The following PNKD variants were observed in gnomAD, a reference collection of about 807,000 sequenced individuals.
PNKD encodes the protein probable thioesterase PNKD.
A neutral mutation model predicts 45.3 loss-of-function variants in PNKD; 36 were observed. That is an observed-to-expected ratio of 0.80 (90% confidence interval 0.61 to 1.05). PNKD has a LOEUF of 1.05. Among genes scored for constraint, PNKD ranks in the 50% least tolerant of loss-of-function variants. PNKD has a pLI of 0.00. For missense variants in PNKD, 511 were observed against 506.6 expected (o/e 1.01, Z -0.08); for synonymous variants, 197 against 210.1 (o/e 0.94, Z 0.54).
intron 2 of PNKD, chr2:218,334,862 A>G: frequency 1.5e-6 from 1 of 664,098 alleles, no homozygotes; most frequent in Non-Finnish European, 2.7e-6. Flanking sequence ...AGATTATGCA[A>G]ATATCCTCTT....
In PNKD at chr2:218,272,684, C is replaced by A. The variant is rs758621637; in HGVS notation, c.236+1135C>A. On this transcript the variant is annotated intron_variant, in intron 2 of 9. Coordinates refer to ENST00000273077, the MANE Select transcript of PNKD (RefSeq NM_015488.5). ...AGAACATGCGGTTGTCCAACACGGG[C>A]GAGTATGAGAGCCAGAGGTTCAGGG... 2.6e-5 allele frequency: 42 copies of A among 1,614,062 alleles called. 1 individual carries two copies. In the South Asian group the frequency reaches 4.4e-4, roughly 17 times the overall value.
At chr2:218,328,542 CT>C (rs1694221780) in intron 2 of PNKD, among the ~76,000 whole-genome samples, 1 of 152,202 alleles carries the variant, frequency 6.6e-6, no homozygotes, top group South Asian at 2.1e-4. Flanking sequence ...AGAACAGTGC[CT>C]GGCACCTAGG....
At chr2:218,323,142 G>A (rs1378942909) in intron 2 of PNKD, 6 of 1,324,518 alleles carry the variant, frequency 4.5e-6, no homozygotes, top group Non-Finnish European at 5.8e-6. Flanking sequence ...AGAGGTCAAT[G>A]GGCGGGGCGG....
At chr2:218,313,359 C>A (rs1693672962) in intron 2 of PNKD, among the ~76,000 whole-genome samples, 1 of 152,202 alleles carries the variant, frequency 6.6e-6, no homozygotes, top group Non-Finnish European at 1.5e-5. Flanking sequence ...GATCCACCTG[C>A]CTCAGCCTCC....
intron 2 of PNKD, among the ~76,000 whole-genome samples, chr2:218,307,178 C>T (rs1420870898): frequency 1.3e-5 from 2 of 152,024 alleles, no homozygotes; most frequent in East Asian, 3.9e-4. Flanking sequence ...CAGCAGTCCC[C>T]AGCATTTTTG....
At position 218,344,984 on chromosome 2, in the gene PNKD, C is replaced by T. The variant is rs1433687340; in HGVS notation, c.*3C>T. 6.2e-6 allele frequency: 10 copies of T among 1,606,872 alleles called. No individual in the cohort carries two copies. In the East Asian group the frequency reaches 1.1e-4, roughly 18 times the overall value. ...AGGATATGCACAAGAGCAAGTGATG[C>T]CCCCAGCGCCCCCAGCCCAGCCCAC... is the stretch of plus-strand genomic sequence containing the variant. On this transcript the variant is annotated 3_prime_UTR_variant, in exon 10 of 10. Coordinates refer to ENST00000273077, the MANE Select transcript of PNKD (RefSeq NM_015488.5).
chr2:218,323,109 T>A, intron 2 of PNKD: 1 of 1,179,730 alleles, frequency 8.5e-7, no homozygotes. Flanking sequence ...CGGCTGGAGG[T>A]GGTGAGGGGG....
intron 2 of PNKD, chr2:218,323,479 TGGGAGAGGGGACTGGGAG>T: frequency 1.0e-6 from 1 of 996,030 alleles, no homozygotes; most frequent in Non-Finnish European, 1.2e-6. Context: ...GCGGGCGCGC[TGGGAGAGGGGACTGGGAG>T]GCGGGGGCTG....
chr2:218,273,263 GTTTTGTTTTTTGTT>G (rs149810512), intron 2 of PNKD, among the ~76,000 whole-genome samples: 2 of 151,696 alleles, frequency 1.3e-5, no homozygotes, highest in African/African-American at 4.9e-5. Flanking sequence ...TTCCTCATTT[GTTTTGTTTTTTGTT>G]TTTTGTTTTT....
Position 218,278,358 on chromosome 2 carries a change from T to G in PNKD, c.236+6809T>G. 4.0e-6 allele frequency: 3 copies of G among 746,900 alleles called. No homozygotes were observed. In the South Asian group the frequency reaches 5.2e-5, roughly 13 times the overall value. 46.3% of individuals were successfully genotyped at this position (746,900 alleles called of 1,614,324 possible). A position where few individuals can be genotyped will look rare whatever the true frequency, so the allele number is the denominator to read the frequency against. On this transcript the variant is annotated intron_variant, in intron 2 of 9. Coordinates refer to ENST00000273077, the MANE Select transcript of PNKD (RefSeq NM_015488.5). ...TTAGCTCCTAAACACACATGGTCCTTTGTATACACCTGAACAGTAGCTGTC... is the reference window on the plus strand; with the variant it reads ...TTAGCTCCTAAACACACATGGTCCTGTGTATACACCTGAACAGTAGCTGTC...
chr2:218,283,218 C>A (rs1380840328), intron 2 of PNKD, among the ~76,000 whole-genome samples: 1 of 152,208 alleles, frequency 6.6e-6, no homozygotes, highest in Non-Finnish European at 1.5e-5. Context: ...GAAGGGACCT[C>A]AGGGCCATAA....
chr2:218,272,985 G>T (rs1690910838), intron 2 of PNKD: 1 of 1,359,632 alleles, frequency 7.4e-7, no homozygotes, highest in Non-Finnish European at 9.7e-7. Context: ...GATGGGAGGG[G>T]CAGAGGGTGG....
chr2:218,296,408 G>A (rs191744901), intron 2 of PNKD, among the ~76,000 whole-genome samples: 27 of 152,268 alleles, frequency 1.8e-4, no homozygotes, highest in East Asian at 5.8e-4. Flanking sequence ...CTAAAGCTTA[G>A]TGATTGGTGG....
intron 2 of PNKD, 31 bp from the exon 3 acceptor site, chr2:218,339,752 G>C (rs112516929): frequency 1.4e-6 from 2 of 1,386,724 alleles, no homozygotes; most frequent in Non-Finnish European, 2.1e-6. Context: ...GGGAGAAAAG[G>C]CTAATCATAG....
At chr2:218,299,441 C>A (rs926915170) in intron 2 of PNKD, among the ~76,000 whole-genome samples, 3 of 150,606 alleles carry the variant, frequency 2.0e-5, no homozygotes, top group Non-Finnish European at 3.0e-5. Context: ...CGCACCCGAC[C>A]TATTTGTTTA....
chr2:218,278,571 G>A, intron 2 of PNKD: 2 of 1,614,172 alleles, frequency 1.2e-6, no homozygotes, highest in Non-Finnish European at 1.7e-6. Context: ...CAGCACTAGG[G>A]ACAAAGAGAT....
At chr2:218,336,398 G>T (rs1694494216) in intron 2 of PNKD, among the ~76,000 whole-genome samples, 1 of 152,084 alleles carries the variant, frequency 6.6e-6, no homozygotes, top group African/African-American at 2.4e-5. Context: ...TGCAATGCCT[G>T]TTTTAAATAC....
intron 1 of PNKD, chr2:218,271,039 C>T: frequency 4.2e-6 from 2 of 476,196 alleles, no homozygotes; most frequent in Non-Finnish European, 7.6e-6. Context: ...CCAGTGCTAA[C>T]ATTTGCAGTT....
chr2:218,334,801 G>A, intron 2 of PNKD: 2 of 699,646 alleles, frequency 2.9e-6, no homozygotes, highest in Non-Finnish European at 5.2e-6. Context: ...GAGTTAGCCA[G>A]GTTTCTATGG....
Sources: allele counts gnomAD v4.1 joint callset (sites outside exome capture counted in the v4.1 genomes callset), GRCh38; gene constraint gnomAD v4.1.1; transcripts MANE v1.5; gene names NCBI Gene and HGNC (gene_info 2026-07-23, HGNC 2026-07-21).